ST3GAL1: variants seen among roughly 807,000 people sequenced by gnomAD.
The protein encoded by ST3GAL1 is ST3 beta-galactoside alpha-2,3-sialyltransferase 1, also known as CMP-N-acetylneuraminate-beta-galactosamide-alpha-2,3-sialyltransferase 1.
In ST3GAL1, 16 loss-of-function variants were observed where a neutral mutation model predicts 34.1. The observed-to-expected ratio is 0.47, with a 90% CI of 0.32 to 0.71. The LOEUF (loss-of-function observed/expected upper bound fraction) is 0.71. Among genes scored for constraint, ST3GAL1 ranks in the 30% least tolerant of loss-of-function variants. The probability of loss-of-function intolerance (pLI) is 0.04; values close to 1 mark genes in which losing one functional copy is unlikely to be tolerated. For synonymous variants in ST3GAL1, 191 were observed against 184.7 expected (o/e 1.03, Z -0.28); for missense variants, 353 against 447.4 (o/e 0.79, Z 1.90).
intron 3 of ST3GAL1, among the ~76,000 whole-genome samples, chr8:133,494,368 A>C (rs111408351): frequency 0.041 from 6,226 of 152,234 alleles, 268 homozygotes; most frequent in African/African-American, 0.1. Context: ...AACTCAGAAG[A>C]GTTCCCTCTG....
chr8:133,471,443 C>T (rs1361449598), intron 5 of ST3GAL1, among the ~76,000 whole-genome samples: 1 of 152,204 alleles, frequency 6.6e-6, no homozygotes, highest in Non-Finnish European at 1.5e-5. Context: ...TATGGTTGCC[C>T]TATGCAGGAC....
chr8:133,533,270 T>C (rs1356323806), intron 2 of ST3GAL1, among the ~76,000 whole-genome samples: 27 of 152,178 alleles, frequency 1.8e-4, no homozygotes. Flanking sequence ...GTGCAGGTGT[T>C]GCAGACACCC....
intron 2 of ST3GAL1, 105 bp downstream of exon 2, chr8:133,545,666 TAGG>T (rs1818655249): frequency 1.3e-5 from 2 of 152,106 alleles, no homozygotes; most frequent in Admixed American, 1.3e-4. Context: ...GACCAAGAAA[TAGG>T]AGAATATCTT....
At chr8:133,504,454 A>T (rs1202571659) in intron 2 of ST3GAL1, among the ~76,000 whole-genome samples, 3 of 152,252 alleles carry the variant, frequency 2.0e-5, no homozygotes, top group Non-Finnish European at 4.4e-5. Flanking sequence ...TCTGGGAAAG[A>T]ATCAAGCCCA....
rs577761478 is a variant in ST3GAL1, at chr8:133,538,285, T to TG, written c.-429+7488dup. 9.2e-5 allele frequency among the ~76,000 whole-genome samples: 14 copies of TG among 152,176 alleles called. No homozygotes were observed. The East Asian group carries it at 1.9e-3, about 21-fold the overall frequency. Reference sequence around the variant, plus strand: ...ATCCCATCACTTTGGGAGGCCAAGGTGGGGGGATCACCTGAGGTCAGGAGT... The same window carrying TG: ...ATCCCATCACTTTGGGAGGCCAAGGTGGGGGGGATCACCTGAGGTCAGGAGT... On this transcript the variant is annotated intron_variant, in intron 2 of 9. Coordinates refer to ENST00000522652, the MANE Select transcript of ST3GAL1 (RefSeq NM_173344.3).
At position 133,556,797 on chromosome 8, in the gene ST3GAL1, T is replaced by C. The variant is rs2131097963; in HGVS notation, c.-581-10871A>G. 6.6e-6 allele frequency among the ~76,000 whole-genome samples: 1 copy of C among 152,242 alleles called. No homozygotes were observed. The highest frequency in any genetic ancestry group is 2.1e-4 in the South Asian group (1 of 4,824). On this transcript the variant is annotated intron_variant, in intron 1 of 9. Coordinates refer to ENST00000522652, the MANE Select transcript of ST3GAL1 (RefSeq NM_173344.3). The surrounding 1 kb of genome is among the most constrained non-coding windows in gnomAD (Gnocchi z 8.9). ...CCACTAACAGTCCTATTTATAGCCCTTTGAAATATGGTGTGGTGGAGGGGG... is the reference window on the plus strand; with the variant it reads ...CCACTAACAGTCCTATTTATAGCCCCTTGAAATATGGTGTGGTGGAGGGGG...
At chr8:133,532,833 G>T (rs1404817876) in intron 2 of ST3GAL1, among the ~76,000 whole-genome samples, 1 of 152,196 alleles carries the variant, frequency 6.6e-6, no homozygotes, top group Non-Finnish European at 1.5e-5. Flanking sequence ...GTCCGCAGGT[G>T]CTGGGACAGC....
At chr8:133,513,177 G>T (rs912542797) in intron 2 of ST3GAL1, among the ~76,000 whole-genome samples, 5 of 152,172 alleles carry the variant, frequency 3.3e-5, no homozygotes, top group African/African-American at 1.2e-4. Context: ...CCTCTGGAGT[G>T]CTACCCCCAC....
intron 3 of ST3GAL1, among the ~76,000 whole-genome samples, chr8:133,491,668 T>A (rs1264362848): frequency 6.6e-6 from 1 of 152,288 alleles, no homozygotes; most frequent in East Asian, 1.9e-4. Context: ...GTGTCCCTAA[T>A]GGGGATTAAG....
chr8:133,497,985 C>T lies in ST3GAL1; in HGVS notation c.-374+1150G>A, dbSNP rs115198882. 3.5e-3 allele frequency among the ~76,000 whole-genome samples: 540 copies of T among 152,354 alleles called. 3 individuals are homozygous for T. The highest frequency in any genetic ancestry group is 0.012 in the African/African-American group (513 of 41,578). On this transcript the variant is annotated intron_variant, in intron 3 of 9. Transcript: ENST00000522652. ...GCACCTGCTGTTCCCTCTACCAAAA[C>T]TGTTCCTACCCCAGAATCCATATGG...
At chr8:133,518,669 G>C (rs1817713614) in intron 2 of ST3GAL1, among the ~76,000 whole-genome samples, 1 of 152,144 alleles carries the variant, frequency 6.6e-6, no homozygotes, top group African/African-American at 2.4e-5. Context: ...GGCTGGTCAG[G>C]TAAACATAGT....
chr8:133,492,167 C>T (rs1033876567), intron 3 of ST3GAL1, among the ~76,000 whole-genome samples: 3 of 152,056 alleles, frequency 2.0e-5, no homozygotes, highest in Admixed American at 1.3e-4. Flanking sequence ...AGAACAGAGG[C>T]CAGTTCTGAC....
At chr8:133,521,953 T>G (rs1817823890) in intron 2 of ST3GAL1, among the ~76,000 whole-genome samples, 1 of 152,226 alleles carries the variant, frequency 6.6e-6, no homozygotes. Flanking sequence ...TATACTTTTC[T>G]CTGTTTTCAG....
At chr8:133,537,917 G>C (rs767296816) in intron 2 of ST3GAL1, among the ~76,000 whole-genome samples, 4 of 152,296 alleles carry the variant, frequency 2.6e-5, no homozygotes, top group East Asian at 1.9e-4. Flanking sequence ...GTAATGATGA[G>C]AGTTGTGACT....
intron 1 of ST3GAL1, among the ~76,000 whole-genome samples, chr8:133,557,161 T>G (rs568053596): frequency 6.6e-6 from 1 of 152,292 alleles, no homozygotes; most frequent in South Asian, 2.1e-4. Flanking sequence ...TGGTATTTCC[T>G]GGGCAGAACC....
chr8:133,568,861 TAGA>T (rs1317100940), intron 1 of ST3GAL1, among the ~76,000 whole-genome samples: 1 of 152,070 alleles, frequency 6.6e-6, no homozygotes, highest in African/African-American at 2.4e-5. Flanking sequence ...ACCCAGGACC[TAGA>T]AGGACTCCTT....
chr8:133,509,257 T>C (rs1358347769), intron 2 of ST3GAL1, among the ~76,000 whole-genome samples: 3 of 152,248 alleles, frequency 2.0e-5, no homozygotes, highest in Admixed American at 6.5e-5. Context: ...AGTAGCCTCA[T>C]GCAGTGAGCG....
chr8:133,528,769 G>T (rs1818050792), intron 2 of ST3GAL1, among the ~76,000 whole-genome samples: 1 of 152,230 alleles, frequency 6.6e-6, no homozygotes, highest in African/African-American at 2.4e-5. Context: ...AACATTTGCT[G>T]CCCCTGGAGC....
Position 133,459,511 on chromosome 8 carries a change from G to C in ST3GAL1, c.*253C>G. On this transcript the variant is annotated 3_prime_UTR_variant, in exon 10 of 10. Coordinates refer to ENST00000522652, the MANE Select transcript of ST3GAL1 (RefSeq NM_173344.3). The surrounding 1 kb of genome is among the most constrained non-coding windows in gnomAD (Gnocchi z 4.7). ...TTGAACCTTTCCCAGCGTCTCCCCA[G>C]CTCTAGGGCAGCAGTGGGGGGACGT... The C allele has an allele frequency of 5.2e-6, 2 of 385,090 alleles. No individual in the cohort carries two copies. The highest frequency in any genetic ancestry group is 4.1e-5 in the East Asian group (1 of 24,182). 23.9% of individuals were successfully genotyped at this position (385,090 alleles called of 1,614,324 possible). A position where few individuals can be genotyped will look rare whatever the true frequency, so the allele number is the denominator to read the frequency against.
Sources: gnomAD v4.1 joint callset for allele counts (sites outside exome capture counted in the v4.1 genomes callset) on GRCh38, gnomAD v4.1.1 for gene constraint, Gnocchi (gnomAD v3.1) non-coding constraint, MANE v1.5 for transcripts, NCBI Gene and HGNC (gene_info 2026-07-23, HGNC 2026-07-21) for gene names.